CCDC178: variants seen among roughly 807,000 people sequenced by gnomAD.
The protein encoded by CCDC178 is coiled-coil domain-containing protein 178.
In CCDC178, 126 loss-of-function variants were observed where a neutral mutation model predicts 117.4. The ratio of observed to expected loss-of-function variants is 1.07; its 90% CI spans 0.93 to 1.24. The LOEUF (loss-of-function observed/expected upper bound fraction) is 1.24. CCDC178 is among the 50% of genes most tolerant of loss of function. The pLI is 0.00. For synonymous variants in CCDC178, 283 were observed against 313.4 expected, an observed-to-expected ratio of 0.90 and a Z score of 1.02; for missense variants, 1,030 against 986.9, an observed-to-expected ratio of 1.04 and a Z score of -0.59.
chr18:33,329,873 T>TTG (rs2062639130), intron 10 of CCDC178, among the ~76,000 whole-genome samples: 1 of 84,438 alleles, frequency 1.2e-5, no homozygotes, highest in Non-Finnish European at 2.4e-5. Flanking sequence ...GGAGAATTAT[T>TTG]AGAGTGTGTG....
At chr18:33,230,113 G>A (rs1367248784) in intron 15 of CCDC178, among the ~76,000 whole-genome samples, 1 of 151,978 alleles carries the variant, frequency 6.6e-6, no homozygotes, top group Non-Finnish European at 1.5e-5. Flanking sequence ...GTAATTTATC[G>A]AATGCCATAC....
intron 19 of CCDC178, 41 bp from the exon 20 acceptor site, chr18:33,212,096 T>C (rs779771819): frequency 9.7e-6 from 14 of 1,446,156 alleles, no homozygotes; most frequent in Admixed American, 2.5e-5. Flanking sequence ...TCAATTCACA[T>C]TTTATTTTTC....
chr18:33,412,192 A>T, intron 2 of CCDC178, 82 bp from the exon 3 acceptor site: 1 of 532,510 alleles, frequency 1.9e-6, no homozygotes, highest in Non-Finnish European at 3.3e-6. Context: ...CAATTCAAGA[A>T]CTGATAGTGT....
At chr18:33,354,730 C>T (rs536233615) in intron 7 of CCDC178, among the ~76,000 whole-genome samples, 2 of 152,038 alleles carry the variant, frequency 1.3e-5, no homozygotes, top group East Asian at 3.9e-4. Flanking sequence ...CCTGCCTCAG[C>T]CTCCTGAGTA....
At chr18:33,103,281 T>A (rs2057656995) in intron 20 of CCDC178, among the ~76,000 whole-genome samples, 1 of 151,742 alleles carries the variant, frequency 6.6e-6, no homozygotes, top group East Asian at 2.0e-4. Flanking sequence ...TTCACTACCA[T>A]GAGAACAGTA....
intron 11 of CCDC178, among the ~76,000 whole-genome samples, chr18:33,316,592 G>A (rs1365206543): frequency 3.9e-5 from 6 of 152,166 alleles, no homozygotes; most frequent in Admixed American, 6.5e-5. Flanking sequence ...CCCAGTGGGA[G>A]ATCCACTGGG....
intron 11 of CCDC178, among the ~76,000 whole-genome samples, chr18:33,297,059 A>G (rs1265927300): frequency 6.6e-6 from 1 of 152,126 alleles, no homozygotes; most frequent in Non-Finnish European, 1.5e-5. Flanking sequence ...ATAGAAATAC[A>G]TTAAAATTAA....
At chr18:33,278,131 T>C (rs2059972745) in intron 12 of CCDC178, among the ~76,000 whole-genome samples, 3 of 151,928 alleles carry the variant, frequency 2.0e-5, no homozygotes, top group South Asian at 4.1e-4. Context: ...GATGAAACTA[T>C]ATAGGTTCGA....
intron 12 of CCDC178, among the ~76,000 whole-genome samples, chr18:33,276,028 G>GTAAGTAAATAAA (rs2059946315): frequency 1.4e-5 from 2 of 146,858 alleles, no homozygotes; most frequent in Non-Finnish European, 3.0e-5. Flanking sequence ...AAGTAAGTGA[G>GTAAGTAAATAAA]TAAATAAATA....
At chr18:33,403,432 A>G (rs1472880781) in intron 3 of CCDC178, among the ~76,000 whole-genome samples, 1 of 151,916 alleles carries the variant, frequency 6.6e-6, no homozygotes, top group East Asian at 1.9e-4. Flanking sequence ...TGATGACCAC[A>G]GGTTCTCACG....
At chr18:32,960,475 A>G (rs1039027584) in intron 22 of CCDC178, among the ~76,000 whole-genome samples, 1 of 152,160 alleles carries the variant, frequency 6.6e-6, no homozygotes, top group African/African-American at 2.4e-5. Context: ...AAAATAGAGT[A>G]GATTTGGTTA....
chr18:33,217,360 A>G (rs1004475739), intron 18 of CCDC178, among the ~76,000 whole-genome samples: 1 of 151,986 alleles, frequency 6.6e-6, no homozygotes, highest in Non-Finnish European at 1.5e-5. Flanking sequence ...AGTTTTCACC[A>G]TTTTATAAAG....
chr18:33,202,980 CA>C (rs1164279728), intron 20 of CCDC178, among the ~76,000 whole-genome samples: 1 of 152,112 alleles, frequency 6.6e-6, no homozygotes, highest in Non-Finnish European at 1.5e-5. Flanking sequence ...AGTAGTAGAT[CA>C]TAGCATATAT....
intron 11 of CCDC178, among the ~76,000 whole-genome samples, chr18:33,316,179 G>A (rs2062412579): frequency 6.6e-6 from 1 of 152,224 alleles, no homozygotes; most frequent in Non-Finnish European, 1.5e-5. Context: ...CCCTTTTTGG[G>A]CTGGCCAAGG....
At chr18:33,384,015 A>G (rs1333786002) in intron 5 of CCDC178, among the ~76,000 whole-genome samples, 2 of 152,138 alleles carry the variant, frequency 1.3e-5, no homozygotes, top group Non-Finnish European at 2.9e-5. Context: ...AGAGAGGAAT[A>G]TAAATGACCT....
At chr18:33,075,904 G>A (rs942281990) in intron 21 of CCDC178, among the ~76,000 whole-genome samples, 1 of 152,152 alleles carries the variant, frequency 6.6e-6, no homozygotes, top group East Asian at 1.9e-4. Context: ...AGGAGGCGGA[G>A]GTTGTAGTGA....
intron 21 of CCDC178, among the ~76,000 whole-genome samples, chr18:33,044,334 A>G (rs2056604045): frequency 6.6e-6 from 1 of 152,118 alleles, no homozygotes; most frequent in African/African-American, 2.4e-5. Context: ...AACAATCTAC[A>G]GCTTCAATGC....
intron 7 of CCDC178, among the ~76,000 whole-genome samples, chr18:33,351,877 T>C (rs1395608610): frequency 6.6e-6 from 1 of 152,230 alleles, no homozygotes; most frequent in Non-Finnish European, 1.5e-5. Flanking sequence ...AGATATATTC[T>C]ATAGTTTGCT....
intron 11 of CCDC178, among the ~76,000 whole-genome samples, chr18:33,304,574 A>G (rs1264804467): frequency 6.6e-6 from 1 of 152,210 alleles, no homozygotes; most frequent in Non-Finnish European, 1.5e-5. Flanking sequence ...CAAAAGTGTG[A>G]CTGTTCCCCA....
Sources: gnomAD v4.1 joint callset for allele counts (sites outside exome capture counted in the v4.1 genomes callset) on GRCh38, gnomAD v4.1.1 for gene constraint, MANE v1.5 for transcripts, NCBI Gene and HGNC (gene_info 2026-07-23, HGNC 2026-07-21) for gene names.